The following ZHX3 variants were observed in gnomAD, a reference collection of about 807,000 sequenced individuals.
ZHX3 encodes the protein zinc fingers and homeoboxes protein 3.
ZHX3 carries 20 observed loss-of-function variants against 64.5 expected under a neutral mutation model. The observed-to-expected ratio is 0.31, with a 90% CI of 0.22 to 0.45. The LOEUF (loss-of-function observed/expected upper bound fraction) is 0.45, where lower values mean the gene tolerates loss of function less well. ZHX3 is among the 20% of genes least tolerant of loss of function. The pLI, the probability that ZHX3 is intolerant of heterozygous loss-of-function variation, is 1.00. For synonymous variants in ZHX3, 423 were observed against 461.6 expected (o/e 0.92, Z 1.07); for missense variants, 1,041 against 1,195.8 (o/e 0.87, Z 1.91).
At position 41,313,796 on chromosome 20, in the gene ZHX3, CCG is replaced by C. The variant is rs2045212890; in HGVS notation, c.-245+3711_-245+3712del. On this transcript the variant is annotated intron_variant, in intron 1 of 3. Transcript: ENST00000683867. Reference sequence around the variant, plus strand: ...TATTTTTAGTAGAGACGGGGTTTCACCGTGTTAGCCAGGATGGTCTCGATCTC... The same window carrying C: ...TATTTTTAGTAGAGACGGGGTTTCACTGTTAGCCAGGATGGTCTCGATCTC... Among the ~76,000 whole-genome samples the C allele has an allele frequency of 2.6e-5, 4 of 152,118 alleles. No homozygotes were observed. The South Asian group carries it at 8.3e-4, about 32-fold the overall frequency.
At chr20:41,299,162 T>G (rs2044686627) in intron 1 of ZHX3, among the ~76,000 whole-genome samples, 1 of 152,202 alleles carries the variant, frequency 6.6e-6, no homozygotes, top group South Asian at 2.1e-4. Context: ...GAGAATAATA[T>G]AACAGCTCAA....
At chr20:41,225,946 A>G (rs1473370415) in intron 2 of ZHX3, among the ~76,000 whole-genome samples, 1 of 152,158 alleles carries the variant, frequency 6.6e-6, no homozygotes, top group African/African-American at 2.4e-5. Flanking sequence ...CCTGGCAACT[A>G]CCATACTACT....
At chr20:41,261,584 T>C (rs556637355) in intron 2 of ZHX3, among the ~76,000 whole-genome samples, 5 of 152,330 alleles carry the variant, frequency 3.3e-5, no homozygotes, top group African/African-American at 1.2e-4. Context: ...GGATGTGGCA[T>C]TTGGGCCTGT....
intron 2 of ZHX3, among the ~76,000 whole-genome samples, chr20:41,261,985 G>A (rs1047542095): frequency 1.3e-4 from 20 of 152,288 alleles, no homozygotes; most frequent in African/African-American, 4.8e-4. Flanking sequence ...TTGGTCAGTA[G>A]TTCCACCATC....
rs1277875279 is a variant in ZHX3, at chr20:41,201,702, T to TG, written c.2860+354dup. 6.6e-6 allele frequency among the ~76,000 whole-genome samples: 1 copy of TG among 152,242 alleles called. No homozygotes were observed. The highest frequency in any genetic ancestry group is 1.5e-5 in the Non-Finnish European group (1 of 68,050). ...AGCTGAATTTCAACTCATGTCCTGT[T>TG]GCTGTCTCCTACCCAGTGGCTGTGG... On this transcript the variant is annotated intron_variant, in intron 3 of 3. Transcript: ENST00000683867. This position sits in a 1 kb window ranked among gnomAD's most constrained non-coding sequence, Gnocchi z 5.0.
At position 41,228,578 on chromosome 20, in the gene ZHX3, T is replaced by G. The variant is rs999333220; in HGVS notation, c.-150-23512A>C. On this transcript the variant is annotated intron_variant, in intron 2 of 3. Coordinates refer to ENST00000683867, the MANE Select transcript of ZHX3 (RefSeq NM_001384317.1). This position sits in a 1 kb window ranked among gnomAD's most constrained non-coding sequence, Gnocchi z 4.6. ...CAGACAACTTCCCACTGTCCTCACA[T>G]GGCAGAAGGGACCAGGGAGTGTCTG... Among the ~76,000 whole-genome samples, 2 of 152,200 alleles carry G rather than the reference T, an allele frequency of 1.3e-5. No homozygotes were observed. The highest frequency in any genetic ancestry group is 2.9e-5 in the Non-Finnish European group (2 of 68,038).
intron 2 of ZHX3, among the ~76,000 whole-genome samples, chr20:41,211,760 C>T (rs1248117461): frequency 6.6e-6 from 1 of 152,186 alleles, no homozygotes; most frequent in Non-Finnish European, 1.5e-5. Flanking sequence ...GACAGTGAAA[C>T]AAACATCTCT....
intron 1 of ZHX3, among the ~76,000 whole-genome samples, chr20:41,272,830 C>T (rs1290502920): frequency 1.3e-5 from 2 of 152,046 alleles, no homozygotes; most frequent in Non-Finnish European, 2.9e-5. Flanking sequence ...ATAGTGTTGC[C>T]ATGAACATGA....
Position 41,202,469 on chromosome 20 carries a change from C to T in ZHX3, c.2448G>A (p.Arg816=), listed in dbSNP as rs1456816804. 1.2e-6 allele frequency: 2 copies of T among 1,614,204 alleles called. No individual in the cohort carries two copies. Among genetic ancestry groups the T allele is most frequent in the Non-Finnish European group, 1.7e-6 (2 of 1,180,040 alleles). Reference sequence around the variant, plus strand: ...TGAGTTGGCCGTTCTTCAGTGCGTACCTGCTATCTCCAAACCAGCGCACCA... The same window carrying T: ...TGAGTTGGCCGTTCTTCAGTGCGTATCTGCTATCTCCAAACCAGCGCACCA... ...PEVVRWFGDS[R]YALKNGQLKW... The change falls in exon 3 of 4, where the codon AGG becomes AGA. Residue 816 remains arginine (R), a synonymous_variant. Coordinates refer to ENST00000683867, the MANE Select transcript of ZHX3 (RefSeq NM_001384317.1). This position sits in a 1 kb window ranked among gnomAD's most constrained non-coding sequence, Gnocchi z 7.0.
intron 1 of ZHX3, among the ~76,000 whole-genome samples, chr20:41,283,693 C>G (rs1316601359): frequency 6.6e-6 from 1 of 151,942 alleles, no homozygotes; most frequent in African/African-American, 2.4e-5. Flanking sequence ...GGAGGCGGAG[C>G]TTGCAGTGAG....
At chr20:41,291,767 TA>T (rs1223192508) in intron 1 of ZHX3, among the ~76,000 whole-genome samples, 3 of 151,462 alleles carry the variant, frequency 2.0e-5, no homozygotes, top group Admixed American at 6.6e-5. Context: ...AGCATGAATC[TA>T]AAAAAAATGC....
rs968239665 is a variant in ZHX3 at position 41,232,554 on chromosome 20, C to G, written c.-150-27488G>C. Among the ~76,000 whole-genome samples, 5 of 152,296 alleles carry G rather than the reference C, an allele frequency of 3.3e-5. No homozygotes were observed. Among genetic ancestry groups the G allele is most frequent in the African/African-American group, 1.2e-4 (5 of 41,566 alleles). ...AAGAGATATGAAAATTGAAACACAG[C>G]ACCCTCTGGTGTACATAGCTGTCTT... On this transcript the variant is annotated intron_variant, in intron 2 of 3. Transcript: ENST00000683867. The surrounding 1 kb of genome is among the most constrained non-coding windows in gnomAD (Gnocchi z 5.0).
intron 1 of ZHX3, among the ~76,000 whole-genome samples, chr20:41,309,296 C>A (rs2045063474): frequency 6.6e-6 from 1 of 152,160 alleles, no homozygotes. Flanking sequence ...CAGACCCAGG[C>A]AATAGGCTTC....
At position 41,184,826 on chromosome 20, in the gene ZHX3, G is replaced by A. The variant is rs1161287741; in HGVS notation, c.*365C>T. The A allele has an allele frequency of 1.4e-5, 20 of 1,385,598 alleles. No individual in the cohort carries two copies. Among genetic ancestry groups the A allele is most frequent in the Non-Finnish European group, 1.8e-5 (19 of 1,045,390 alleles). The allele number at this position is 1,385,598 out of a possible 1,614,324, so 85.8% of individuals were successfully genotyped here. On this transcript the variant is annotated 3_prime_UTR_variant, in exon 4 of 4. Coordinates refer to ENST00000683867, the MANE Select transcript of ZHX3 (RefSeq NM_001384317.1). ...TAACCAAAGTTTCTACGTAATGACA[G>A]TGTTGATAATCTGATGTTTTATTTA... is the stretch of plus-strand genomic sequence containing the variant.
In ZHX3 at chr20:41,232,341, C is replaced by G. The variant is rs975733248; in HGVS notation, c.-150-27275G>C. Among the ~76,000 whole-genome samples the G allele has an allele frequency of 6.6e-6, 1 of 151,396 alleles. No individual in the cohort carries two copies. The highest frequency in any genetic ancestry group is 2.4e-5 in the African/African-American group (1 of 41,264). On this transcript the variant is annotated intron_variant, in intron 2 of 3. Coordinates refer to ENST00000683867, the MANE Select transcript of ZHX3 (RefSeq NM_001384317.1). The surrounding 1 kb of genome is among the most constrained non-coding windows in gnomAD (Gnocchi z 5.0). ...AAACAAAGAACTCAATGGTTAAGAACTAGTATACAGCAAAGCAGACCTGGG... is the reference window on the plus strand; with the variant it reads ...AAACAAAGAACTCAATGGTTAAGAAGTAGTATACAGCAAAGCAGACCTGGG...
rs763634799 is a variant in ZHX3, at chr20:41,203,612, C to T, written c.1305G>A (p.Gly435=). The part of the protein sequence containing the change: ...LLVTQPLMAN[G]LQATSSPLPL... Reference sequence around the variant, plus strand: ...GGAGAGGGGAACTTGTTGCTTGCAACCCATTGGCCATCAATGGCTGAGTGA... The same window carrying T: ...GGAGAGGGGAACTTGTTGCTTGCAATCCATTGGCCATCAATGGCTGAGTGA... Residue 435 remains glycine, a synonymous_variant, in exon 3 of 4, where the codon GGG becomes GGA. Transcript: ENST00000683867. This position sits in a 1 kb window ranked among gnomAD's most constrained non-coding sequence, Gnocchi z 7.1. 3 of 1,614,222 alleles carry T rather than the reference C, an allele frequency of 1.9e-6. No homozygotes were observed. Among genetic ancestry groups the T allele is most frequent in the Admixed American group, 3.3e-5 (2 of 60,034 alleles).
intron 1 of ZHX3, among the ~76,000 whole-genome samples, chr20:41,280,696 C>T (rs565188953): frequency 3.3e-5 from 5 of 152,116 alleles, no homozygotes; most frequent in East Asian, 1.9e-4. Flanking sequence ...GGATTATAGG[C>T]GTGAGCCACT....
At position 41,278,108 on chromosome 20, in the gene ZHX3, C is replaced by T. The variant is rs1305671722; in HGVS notation, c.-244-9025G>A. 1.5e-5 allele frequency among the ~76,000 whole-genome samples: 2 copies of T among 137,186 alleles called. 1 individual carries two copies. The highest frequency in any genetic ancestry group is 5.5e-5 in the African/African-American group (2 of 36,370). The allele number at this position is 137,186 out of a possible 152,430, so 90.0% of individuals were successfully genotyped here. A position where few individuals can be genotyped will look rare whatever the true frequency, so the allele number is the denominator to read the frequency against. On this transcript the variant is annotated intron_variant, in intron 1 of 3. Coordinates refer to ENST00000683867, the MANE Select transcript of ZHX3 (RefSeq NM_001384317.1). ...CCTGGGATTGTACACTTTGGGAGGT[C>T]GAGGTGGGCAGATCACTTGAGGCCA...
At chr20:41,289,123 C>T (rs1267269071) in intron 1 of ZHX3, among the ~76,000 whole-genome samples, 1 of 152,058 alleles carries the variant, frequency 6.6e-6, no homozygotes, top group Non-Finnish European at 1.5e-5. Context: ...TCTCAAATAG[C>T]TGGGACTATA....
Sources: gnomAD v4.1 joint callset for allele counts (sites outside exome capture counted in the v4.1 genomes callset) on GRCh38, gnomAD v4.1.1 for gene constraint, Gnocchi (gnomAD v3.1) non-coding constraint, MANE v1.5 for transcripts, NCBI Gene and HGNC (gene_info 2026-07-23, HGNC 2026-07-21) for gene names.